ZGRF1: variants seen among roughly 807,000 people sequenced by gnomAD.
ZGRF1 encodes the protein 5'-3' DNA helicase ZGRF1.
Under a neutral mutation model 203.5 loss-of-function variants are expected in ZGRF1, and 196 were observed. The ratio of observed to expected loss-of-function variants is 0.96; its 90% CI spans 0.86 to 1.08. ZGRF1 has a LOEUF of 1.08. ZGRF1 is among the 50% of genes least tolerant of loss of function. The pLI is 0.00. For synonymous variants in ZGRF1, 809 were observed against 841.3 expected (o/e 0.96, Z 0.66); for missense variants, 2,326 against 2,416.3 (o/e 0.96, Z 0.78).
rs188809468 is a variant in ZGRF1 at position 112,630,535 on chromosome 4, A to G, written c.102+1395T>C. On this transcript the variant is annotated intron_variant, in intron 3 of 27. Transcript: ENST00000505019. ...ATCCATCTCAAAAAAAAAGAACAGA[A>G]TATGGTTATCTTTAATTGCTAGACT... is the stretch of plus-strand genomic sequence containing the variant. Among the ~76,000 whole-genome samples, 89 of 152,012 alleles carry G rather than the reference A, an allele frequency of 5.9e-4. 1 individual carries two copies. The highest frequency in any genetic ancestry group is 6.9e-4 in the Non-Finnish European group (47 of 67,962).
At chr4:112,563,081 G>A (rs777209125) in intron 17 of ZGRF1, 50 bp downstream of exon 17, 64 of 1,463,690 alleles carry the variant, frequency 4.4e-5, no homozygotes, top group Non-Finnish European at 4.6e-5. Context: ...TGCATCTTAT[G>A]TCTATCATTC....
At chr4:112,555,572 CA>C (rs1233804644) in intron 20 of ZGRF1, among the ~76,000 whole-genome samples, 4 of 152,222 alleles carry the variant, frequency 2.6e-5, no homozygotes, top group African/African-American at 9.6e-5. Context: ...AGCAACTTAA[CA>C]GGCTGAAATA....
At chr4:112,552,395 A>C (rs757209173) in intron 22 of ZGRF1, among the ~76,000 whole-genome samples, 25 of 152,216 alleles carry the variant, frequency 1.6e-4, no homozygotes, top group Non-Finnish European at 3.5e-4. Context: ...TCATTTGTGA[A>C]TAGGTGATAC....
intron 3 of ZGRF1, among the ~76,000 whole-genome samples, chr4:112,630,598 G>C (rs757664195): frequency 2.6e-5 from 4 of 152,252 alleles, no homozygotes; most frequent in African/African-American, 4.8e-5. Context: ...CACAGACATT[G>C]TCAATGTGTC....
intron 8 of ZGRF1, among the ~76,000 whole-genome samples, chr4:112,606,483 G>A (rs577643078): frequency 6.6e-6 from 1 of 152,162 alleles, no homozygotes; most frequent in South Asian, 2.1e-4. Context: ...CCACCATGGA[G>A]GAACCCCATC....
chr4:112,541,069 T>G (rs369702814), intron 25 of ZGRF1, 23 bp downstream of exon 25: 32 of 1,553,266 alleles, frequency 2.1e-5, no homozygotes, highest in Non-Finnish European at 2.8e-5. Flanking sequence ...ATGTTGACTC[T>G]CATCAACATT....
chr4:112,603,729 A>C, intron 9 of ZGRF1, 32 bp from the exon 10 acceptor site: 1 of 1,542,910 alleles, frequency 6.5e-7, no homozygotes, highest in Non-Finnish European at 8.9e-7. Flanking sequence ...TAAGAACTGC[A>C]TAACTATATG....
intron 10 of ZGRF1, among the ~76,000 whole-genome samples, chr4:112,592,866 A>C (rs992805905): frequency 1.3e-5 from 2 of 152,352 alleles, no homozygotes; most frequent in Middle Eastern, 3.4e-3. Flanking sequence ...CACAGCCTTT[A>C]GGAGATAACT....
chr4:112,636,599 G>A (rs185279692), intron 1 of ZGRF1: 7 of 152,168 alleles, frequency 4.6e-5, no homozygotes, highest in Admixed American at 4.6e-4. Context: ...TCCTTTCTCA[G>A]TCCTAAATAC....
At chr4:112,607,819 T>C (rs780790077) in intron 8 of ZGRF1, 1 of 152,352 alleles carries the variant, frequency 6.6e-6, no homozygotes, top group Non-Finnish European at 1.5e-5. Context: ...TGTGCACCTG[T>C]GGTCCCAGCT....
chr4:112,619,863 T>C (rs1285222426), intron 5 of ZGRF1, 139 bp downstream of exon 5: 5 of 891,714 alleles, frequency 5.6e-6, no homozygotes, highest in African/African-American at 5.1e-5. Context: ...TTTTTCAAAG[T>C]AGGGTTTACT....
At chr4:112,613,077 T>A (rs1173181630) in intron 6 of ZGRF1, among the ~76,000 whole-genome samples, 1 of 152,172 alleles carries the variant, frequency 6.6e-6, no homozygotes, top group Non-Finnish European at 1.5e-5. Flanking sequence ...GCAGATCACT[T>A]GAGGCCAGGA....
At chr4:112,593,542 G>C (rs1748514621) in intron 10 of ZGRF1, among the ~76,000 whole-genome samples, 1 of 152,114 alleles carries the variant, frequency 6.6e-6, no homozygotes, top group South Asian at 2.1e-4. Context: ...TCTGAACCTG[G>C]CCTGAAGACT....
chr4:112,569,960 T>C (rs1560779056), intron 16 of ZGRF1, among the ~76,000 whole-genome samples: 4 of 152,160 alleles, frequency 2.6e-5, no homozygotes. Context: ...CTCTACATGA[T>C]GATGTAAGTT....
In ZGRF1 at chr4:112,623,821, A is replaced by G; in HGVS notation, c.158T>C (p.Leu53Pro). Residue 53 changes from leucine to proline, a missense_variant, in exon 4 of 28, where the codon CTT becomes CCT. Leu to Pro is a moderately conservative substitution (Grantham distance 98, BLOSUM62 -3). Transcript: ENST00000505019. ...AAGATAAACACACTAAAATACCTCA[A>G]GGCATTTAAGAAACAGACTCTCCAA... ...ACLESLFLKC[L>P]EVKPGDDLES... is the part of the protein sequence containing the mutation. 1 of 1,553,480 alleles carries G rather than the reference A, an allele frequency of 6.4e-7. No homozygotes were observed. Among genetic ancestry groups the G allele is most frequent in the Non-Finnish European group, 8.8e-7 (1 of 1,132,014 alleles).
chr4:112,542,478 A>G lies in ZGRF1; in HGVS notation c.5599-1210T>C, dbSNP rs535758871. Among the ~76,000 whole-genome samples the G allele has an allele frequency of 3.8e-4, 58 of 152,372 alleles. 1 individual carries two copies. Among genetic ancestry groups the G allele is most frequent in the Admixed American group, 3.7e-3 (56 of 15,300 alleles). ...TTACGGTATGGTTTCAACTATGTAC[A>G]AATACATACATTTGATATAGGCATA... On this transcript the variant is annotated intron_variant, in intron 24 of 27. Transcript: ENST00000505019.
At chr4:112,589,384 C>G (rs755431084) in intron 11 of ZGRF1, among the ~76,000 whole-genome samples, 5 of 152,058 alleles carry the variant, frequency 3.3e-5, no homozygotes, top group African/African-American at 4.8e-5. Context: ...GAGACACTTG[C>G]AATGAGTCAT....
chr4:112,552,638 A>G (rs1178051091), intron 22 of ZGRF1, among the ~76,000 whole-genome samples: 1 of 152,224 alleles, frequency 6.6e-6, no homozygotes, highest in Admixed American at 6.5e-5. Context: ...TTCAAATAAC[A>G]GAAAGTTAGT....
At chr4:112,599,648 G>A (rs1409761638) in intron 10 of ZGRF1, among the ~76,000 whole-genome samples, 1 of 152,028 alleles carries the variant, frequency 6.6e-6, no homozygotes, top group Non-Finnish European at 1.5e-5. Flanking sequence ...CTTGAGCCCA[G>A]GAGTTTGAAG....
Sources: allele counts gnomAD v4.1 joint callset (sites outside exome capture counted in the v4.1 genomes callset), GRCh38; gene constraint gnomAD v4.1.1; transcripts MANE v1.5; gene names NCBI Gene and HGNC (gene_info 2026-07-23, HGNC 2026-07-21).